Variants in ZCCHC17 observed in about 807,000 individuals in gnomAD.
The protein encoded by ZCCHC17 is zinc finger CCHC-type containing 17.
In ZCCHC17, 18 loss-of-function variants were observed where a neutral mutation model predicts 30.6. That is an observed-to-expected ratio of 0.59 (90% CI 0.41 to 0.87). The LOEUF is 0.87. ZCCHC17 is among the 40% of genes least tolerant of loss of function. ZCCHC17 has a pLI of 0.00. For missense variants in ZCCHC17, 263 were observed against 284.2 expected, an observed-to-expected ratio of 0.93 and a Z score of 0.54; for synonymous variants, 88 against 92.4, an observed-to-expected ratio of 0.95 and a Z score of 0.27.
intron 3 of ZCCHC17, 80 bp from the exon 4 acceptor site, chr1:31,337,095 C>T (rs1638849309): frequency 2.2e-6 from 3 of 1,344,430 alleles, no homozygotes; most frequent in Admixed American, 4.4e-5. Flanking sequence ...CATTCCCCAA[C>T]TCTTACCTTC....
At chr1:31,312,516 C>T (rs1350574213) in intron 2 of ZCCHC17, among the ~76,000 whole-genome samples, 1 of 151,914 alleles carries the variant, frequency 6.6e-6, no homozygotes, top group Non-Finnish European at 1.5e-5. Flanking sequence ...TTTTTGCTTG[C>T]TATGTGAGCC....
intron 7 of ZCCHC17, among the ~76,000 whole-genome samples, chr1:31,359,304 T>G (rs529510386): frequency 6.6e-6 from 1 of 152,004 alleles, no homozygotes; most frequent in African/African-American, 2.4e-5. Flanking sequence ...TCACTTGAGG[T>G]CAGGAGTTTG....
intron 2 of ZCCHC17, among the ~76,000 whole-genome samples, chr1:31,311,889 G>T (rs1382782600): frequency 6.6e-6 from 1 of 152,204 alleles, no homozygotes; most frequent in Non-Finnish European, 1.5e-5. Context: ...AAGTCATGAA[G>T]GCTCTGCCCT....
intron 7 of ZCCHC17, among the ~76,000 whole-genome samples, chr1:31,360,859 G>A (rs4949391): frequency 6.6e-6 from 1 of 151,998 alleles, no homozygotes; most frequent in Non-Finnish European, 1.5e-5. Context: ...AACTCATGAA[G>A]TTTGACTCTA....
In ZCCHC17 at chr1:31,298,929, G is replaced by T. The variant is rs142018672; in HGVS notation, c.-56+1854G>T. Among the ~76,000 whole-genome samples the T allele has an allele frequency of 1.3e-3, 198 of 152,336 alleles. 2 individuals are homozygous for T. Among genetic ancestry groups the T allele is most frequent in the Non-Finnish European group, 2.5e-3 (170 of 68,042 alleles). Reference sequence around the variant, plus strand: ...AACCTACAGGAGATACAGAAGAAAGGAAGGAGGACTGGAAGAATGTCTCAG... The same window carrying T: ...AACCTACAGGAGATACAGAAGAAAGTAAGGAGGACTGGAAGAATGTCTCAG... On this transcript the variant is annotated intron_variant, in intron 1 of 7. Coordinates refer to ENST00000344147, the MANE Select transcript of ZCCHC17 (RefSeq NM_016505.4).
chr1:31,331,966 A>AG (rs1488346044), intron 3 of ZCCHC17, among the ~76,000 whole-genome samples: 1 of 152,190 alleles, frequency 6.6e-6, no homozygotes, highest in East Asian at 1.9e-4. Context: ...GGACAAAAAA[A>AG]GTATCTCAAA....
At chr1:31,325,548 T>C (rs1182955966) in intron 3 of ZCCHC17, among the ~76,000 whole-genome samples, 1 of 152,210 alleles carries the variant, frequency 6.6e-6, no homozygotes, top group East Asian at 1.9e-4. Context: ...TGGAGCTGCC[T>C]GCCCAGCCAC....
chr1:31,338,664 T>G (rs1396258286), intron 4 of ZCCHC17, among the ~76,000 whole-genome samples: 1 of 152,246 alleles, frequency 6.6e-6, no homozygotes, highest in South Asian at 2.1e-4. Flanking sequence ...TGAACTTACC[T>G]GGAAGAAAAA....
At chr1:31,315,069 G>A (rs1646699189) in intron 2 of ZCCHC17, among the ~76,000 whole-genome samples, 1 of 152,100 alleles carries the variant, frequency 6.6e-6, no homozygotes, top group South Asian at 2.1e-4. Context: ...ATTTATCCTG[G>A]TCTGTCTTGT....
At chr1:31,354,150 A>T (rs1639561146) in intron 7 of ZCCHC17, among the ~76,000 whole-genome samples, 1 of 152,084 alleles carries the variant, frequency 6.6e-6, no homozygotes, top group South Asian at 2.1e-4. Flanking sequence ...CATGTCTTTC[A>T]TCTCCTTGGT....
At chr1:31,340,315 G>GGTTT (rs369352525) in intron 5 of ZCCHC17, among the ~76,000 whole-genome samples, 2 of 95,092 alleles carry the variant, frequency 2.1e-5, no homozygotes, top group Non-Finnish European at 4.2e-5. Context: ...ATCTTGGAGG[G>GGTTT]TTTTTTTTTT....
At chr1:31,354,298 G>T (rs1389244161) in intron 7 of ZCCHC17, among the ~76,000 whole-genome samples, 1 of 151,992 alleles carries the variant, frequency 6.6e-6, no homozygotes. Flanking sequence ...CTGCAACTTT[G>T]CTAAATTCAC....
chr1:31,310,264 C>A, intron 2 of ZCCHC17, 100 bp downstream of exon 2: 1 of 1,226,862 alleles, frequency 8.2e-7, no homozygotes. Flanking sequence ...CTGTCTTGAG[C>A]ATTACAGCTT....
At chr1:31,297,676 C>A (rs1180373276) in intron 1 of ZCCHC17, among the ~76,000 whole-genome samples, 1 of 152,190 alleles carries the variant, frequency 6.6e-6, no homozygotes, top group East Asian at 1.9e-4. Flanking sequence ...CTCACTAATA[C>A]ATGGAAATGC....
chr1:31,360,904 T>C (rs370989300), intron 7 of ZCCHC17, among the ~76,000 whole-genome samples: 4 of 152,216 alleles, frequency 2.6e-5, no homozygotes, highest in African/African-American at 9.6e-5. Flanking sequence ...TGCAAAAAGC[T>C]TGATAAACTA....
chr1:31,341,626 A>C (rs1292196014), intron 5 of ZCCHC17, among the ~76,000 whole-genome samples: 1 of 152,232 alleles, frequency 6.6e-6, no homozygotes, highest in African/African-American at 2.4e-5. Context: ...GCATGGCATA[A>C]TGGAATGATT....
At chr1:31,333,308 GA>G (rs66508728) in intron 3 of ZCCHC17, 82,452 of 151,884 alleles carry the variant, frequency 0.54, 23,268 homozygotes, top group Non-Finnish European at 0.62. Context: ...TGGATCAAGA[GA>G]TCAGGAGTTC....
intron 6 of ZCCHC17, among the ~76,000 whole-genome samples, chr1:31,347,156 A>C (rs1639305575): frequency 6.6e-6 from 1 of 152,238 alleles, no homozygotes; most frequent in South Asian, 2.1e-4. Context: ...TTATCTCTTT[A>C]ATGTCAGAGT....
chr1:31,360,509 C>T (rs1298962930), intron 7 of ZCCHC17, among the ~76,000 whole-genome samples: 1 of 152,198 alleles, frequency 6.6e-6, no homozygotes, highest in Non-Finnish European at 1.5e-5. Context: ...TGTTCTGTAG[C>T]TCAAGGCTAG....
Sources: gnomAD v4.1 joint callset for allele counts (sites outside exome capture counted in the v4.1 genomes callset) on GRCh38, gnomAD v4.1.1 for gene constraint, MANE v1.5 for transcripts, NCBI Gene and HGNC (gene_info 2026-07-23, HGNC 2026-07-21) for gene names.